The following P3H2 variants were observed in gnomAD, a reference collection of about 807,000 sequenced individuals.
The protein encoded by P3H2 is prolyl 3-hydroxylase 2, also known as leprecan-like 1.
P3H2 carries 80 observed loss-of-function variants against 87.0 expected under a neutral mutation model. That is an observed-to-expected ratio of 0.92 (90% confidence interval 0.77 to 1.11). The LOEUF (loss-of-function observed/expected upper bound fraction) is 1.11, where lower values mean the gene tolerates loss of function less well. Among genes scored for constraint, P3H2 ranks in the 50% least tolerant of loss-of-function variants. P3H2 has a pLI of 0.00. For synonymous variants in P3H2, 367 were observed against 359.3 expected (o/e 1.02, Z -0.24); for missense variants, 1,001 against 923.9 (o/e 1.08, Z -1.08).
chr3:190,021,742 T>G (rs960600982), intron 1 of P3H2, among the ~76,000 whole-genome samples: 1 of 134,828 alleles, frequency 7.4e-6, no homozygotes, highest in Non-Finnish European at 1.7e-5. Context: ...AATAAATCTT[T>G]AATGAGTGCC....
intron 1 of P3H2, among the ~76,000 whole-genome samples, chr3:189,996,359 CAGA>C (rs1724052337): frequency 6.6e-6 from 1 of 152,124 alleles, no homozygotes; most frequent in Admixed American, 6.5e-5. Flanking sequence ...AAGCCAGACA[CAGA>C]AGGACAAATA....
intron 1 of P3H2, among the ~76,000 whole-genome samples, chr3:190,092,089 C>T (rs113871242): frequency 2.0e-5 from 3 of 152,028 alleles, no homozygotes; most frequent in Admixed American, 1.3e-4. Flanking sequence ...AAAAATTACC[C>T]GGACATGGTG....
chr3:190,094,265 A>G (rs1349122356), intron 1 of P3H2, among the ~76,000 whole-genome samples: 1 of 152,240 alleles, frequency 6.6e-6, no homozygotes, highest in Admixed American at 6.5e-5. Context: ...CATCCAAGTA[A>G]CAAGCAGGAA....
At chr3:189,993,791 CATAAA>C (rs1256883090) in intron 3 of P3H2, among the ~76,000 whole-genome samples, 5 of 151,916 alleles carry the variant, frequency 3.3e-5, no homozygotes, top group Admixed American at 2.6e-4. Flanking sequence ...TATTGTTAAG[CATAAA>C]ATAAAACAAC....
At chr3:190,065,452 T>C (rs1297881596) in intron 1 of P3H2, among the ~76,000 whole-genome samples, 1 of 152,150 alleles carries the variant, frequency 6.6e-6, no homozygotes, top group Non-Finnish European at 1.5e-5. Flanking sequence ...TTGAACTTTA[T>C]ATGAGAAATA....
At chr3:189,973,511 C>CTTTTTTTTTTTTTTT (rs869099221) in intron 10 of P3H2, among the ~76,000 whole-genome samples, 1 of 35,460 alleles carries the variant, frequency 2.8e-5, no homozygotes, top group African/African-American at 9.7e-5. Context: ...TTCTTTCTTT[C>CTTTTTTTTTTTTTTT]TTTTTTTTTT....
chr3:190,103,428 CT>C (rs796388672), intron 1 of P3H2, among the ~76,000 whole-genome samples: 1 of 152,188 alleles, frequency 6.6e-6, no homozygotes, highest in Non-Finnish European at 1.5e-5. Flanking sequence ...TACTTAGAAA[CT>C]TTTTTTCCCT....
Position 190,120,657 on chromosome 3 carries a change from G to C in P3H2, c.75C>G (p.Gly25=), listed in dbSNP as rs778470475. ...PLLLPPPLWG[G]PPDSPRRELE... ...GCTCCCGGCGTGGGCTGTCCGGGGG[G>C]CCGCCCCACAGTGGCGGCGGCAGTA... The change falls in exon 1 of 15, where the codon GGC becomes GGG. Residue 25 remains glycine, a synonymous_variant. Transcript: ENST00000319332. 22 of 1,524,256 alleles carry C rather than the reference G, an allele frequency of 1.4e-5. No individual in the cohort carries two copies. The Middle Eastern group carries it at 5.9e-4, about 41-fold the overall frequency. The allele number at this position is 1,524,256 out of a possible 1,614,324, so 94.4% of individuals were successfully genotyped here.
chr3:190,120,342 G>GC lies in P3H2; in HGVS notation c.389dup (p.Ala132ArgfsTer31). The GC allele has an allele frequency of 1.3e-6, 2 of 1,586,562 alleles. No individual in the cohort carries two copies. Among genetic ancestry groups the GC allele is most frequent in the Non-Finnish European group, 1.7e-6 (2 of 1,169,884 alleles). On this transcript the variant is annotated frameshift_variant, in exon 1 of 15. Transcript: ENST00000319332. LOFTEE classifies it high-confidence loss of function. ...CGCTGACGCGGTGGCGGGATGCGGG[G>GC]CCCCCGAGGCGCTGGGTCTCACAGC...
chr3:190,023,430 C>T (rs1291732217), intron 1 of P3H2, among the ~76,000 whole-genome samples: 2 of 152,154 alleles, frequency 1.3e-5, no homozygotes, highest in Non-Finnish European at 2.9e-5. Context: ...AGGAAACTTA[C>T]AACCAGGGAG....
intron 1 of P3H2, among the ~76,000 whole-genome samples, chr3:190,052,297 T>A (rs901880672): frequency 6.6e-6 from 1 of 152,092 alleles, no homozygotes; most frequent in African/African-American, 2.4e-5. Context: ...TGGGTCCATA[T>A]GTTCTAATTT....
chr3:189,981,951 G>A (rs957491325), intron 8 of P3H2, among the ~76,000 whole-genome samples: 20 of 152,138 alleles, frequency 1.3e-4, no homozygotes, highest in Admixed American at 7.9e-4. Flanking sequence ...GGAAGCTAAG[G>A]AAGGAAAGGG....
intron 1 of P3H2, among the ~76,000 whole-genome samples, chr3:190,004,957 C>T (rs1383499675): frequency 6.6e-6 from 1 of 152,188 alleles, no homozygotes; most frequent in Non-Finnish European, 1.5e-5. Context: ...AGCCAGATCA[C>T]ATTTTTTCCT....
At chr3:190,078,330 AG>A (rs1450418724) in intron 1 of P3H2, among the ~76,000 whole-genome samples, 1 of 152,226 alleles carries the variant, frequency 6.6e-6, no homozygotes, top group East Asian at 1.9e-4. Flanking sequence ...TTCAATAGTC[AG>A]GGCTATGAAA....
chr3:190,081,843 C>T (rs138277226), intron 1 of P3H2, among the ~76,000 whole-genome samples: 78 of 152,290 alleles, frequency 5.1e-4, no homozygotes, highest in African/African-American at 1.9e-3. Context: ...TACCCAGCCA[C>T]TCATTTTGGC....
chr3:190,063,577 A>T (rs1726403213), intron 1 of P3H2, among the ~76,000 whole-genome samples: 1 of 152,168 alleles, frequency 6.6e-6, no homozygotes, highest in African/African-American at 2.4e-5. Context: ...GTTACTAAAT[A>T]CCAGGTGTGT....
chr3:190,043,377 A>G lies in P3H2; in HGVS notation c.481-47935T>C, dbSNP rs116739756. ...ATGAATGGAGATGATGAGGCTGCAG[A>G]GTGATGAGTGGAAAGAGTGCTGACT... On this transcript the variant is annotated intron_variant, in intron 1 of 14. Coordinates refer to ENST00000319332, the MANE Select transcript of P3H2 (RefSeq NM_018192.4). Among the ~76,000 whole-genome samples the G allele has an allele frequency of 3.9e-3, 593 of 152,294 alleles. 4 individuals are homozygous for G. Among genetic ancestry groups the G allele is most frequent in the African/African-American group, 0.014 (566 of 41,568 alleles).
chr3:190,092,645 G>A (rs1452650083), intron 1 of P3H2, among the ~76,000 whole-genome samples: 1 of 152,130 alleles, frequency 6.6e-6, no homozygotes, highest in South Asian at 2.1e-4. Flanking sequence ...CGGGAAGCTG[G>A]GATCTGAACT....
At chr3:190,078,130 T>C (rs559818563) in intron 1 of P3H2, among the ~76,000 whole-genome samples, 1 of 152,176 alleles carries the variant, frequency 6.6e-6, no homozygotes, top group Non-Finnish European at 1.5e-5. Flanking sequence ...GGAGTAGAAC[T>C]AAAATTTGTA....
Sources: allele counts gnomAD v4.1 joint callset (sites outside exome capture counted in the v4.1 genomes callset), GRCh38; gene constraint gnomAD v4.1.1; transcripts MANE v1.5; gene names NCBI Gene and HGNC (gene_info 2026-07-23, HGNC 2026-07-21).